TMTC1: variants seen among roughly 807,000 people sequenced by gnomAD.
TMTC1 encodes protein O-mannosyl-transferase TMTC1.
TMTC1 carries 73 observed loss-of-function variants against 104.8 expected under a neutral mutation model. The observed-to-expected ratio is 0.70, with a 90% CI of 0.58 to 0.85. The LOEUF (loss-of-function observed/expected upper bound fraction) is 0.85, where lower values mean the gene tolerates loss of function less well. Ranked by LOEUF, TMTC1 falls within the 40% of genes least tolerant of loss-of-function variation. The pLI is 0.00. For synonymous variants in TMTC1, 434 were observed against 428.7 expected (o/e 1.01, Z -0.15); for missense variants, 1,035 against 1,096.1 (o/e 0.94, Z 0.79).
intron 8 of TMTC1, among the ~76,000 whole-genome samples, chr12:29,583,189 T>A (rs1393403370): frequency 6.6e-6 from 1 of 152,200 alleles, no homozygotes; most frequent in African/African-American, 2.4e-5. Context: ...CTTATTTTCA[T>A]AAATTCACTT....
chr12:29,758,728 A>G lies in TMTC1; in HGVS notation c.530T>C (p.Leu177Pro). The G allele has an allele frequency of 1.2e-6, 2 of 1,613,908 alleles. No homozygotes were observed. Among genetic ancestry groups the G allele is most frequent in the Non-Finnish European group, 1.7e-6 (2 of 1,179,916 alleles). ...RADVLACLLF[L>P]LAFLSYNRSL... ...CCTGTTGTACGAGAGAAAGGCCAAT[A>G]GAAACAGCAGACACGCTAACACGTC... Residue 177 changes from leucine to proline, a missense_variant, in exon 3 of 18, where the codon CTA becomes CCA. Transcript: ENST00000539277.
At chr12:29,514,417 A>C in intron 16 of TMTC1, 65 bp downstream of exon 16, 2 of 1,519,560 alleles carry the variant, frequency 1.3e-6, no homozygotes, top group South Asian at 2.5e-5. Flanking sequence ...TGTTTCCTTA[A>C]AGATCAAAAG....
chr12:29,604,823 T>C lies in TMTC1; in HGVS notation c.1129-524A>G, dbSNP rs113072301. On this transcript the variant is annotated intron_variant, in intron 6 of 17. Coordinates refer to ENST00000539277, the MANE Select transcript of TMTC1 (RefSeq NM_001193451.2). ...ATTTGGGATGCCAATGGAGAGAGAATCATTTGAATTGAAGCATACCTTCAC... is the reference window on the plus strand; with the variant it reads ...ATTTGGGATGCCAATGGAGAGAGAACCATTTGAATTGAAGCATACCTTCAC... 2.4e-3 allele frequency among the ~76,000 whole-genome samples: 362 copies of C among 152,314 alleles called. 4 individuals carry two copies. Among genetic ancestry groups the C allele is most frequent in the African/African-American group, 8.3e-3 (344 of 41,572 alleles).
chr12:29,768,123 A>C, intron 1 of TMTC1, 48 bp from the exon 2 acceptor site: 3 of 1,372,204 alleles, frequency 2.2e-6, no homozygotes, highest in Non-Finnish European at 3.0e-6. Context: ...CTACAAACTC[A>C]ACATAAACAC....
At position 29,544,094 on chromosome 12, in the gene TMTC1, A is replaced by T. The variant is rs934176556; in HGVS notation, c.1677-7777T>A. Among the ~76,000 whole-genome samples, 78 of 151,974 alleles carry T rather than the reference A, an allele frequency of 5.1e-4. 1 individual carries two copies. The highest frequency in any genetic ancestry group is 1.7e-3 in the African/African-American group (70 of 41,368). Reference sequence around the variant, plus strand: ...CCCCATCTCTACTAAAAATACAAAAATTAGCTGGGCGTGGTGGTGGCGCCT... The same window carrying T: ...CCCCATCTCTACTAAAAATACAAAATTTAGCTGGGCGTGGTGGTGGCGCCT... On this transcript the variant is annotated intron_variant, in intron 10 of 17. Transcript: ENST00000539277.
intron 2 of TMTC1, among the ~76,000 whole-genome samples, chr12:29,760,454 T>C (rs1943318235): frequency 6.6e-6 from 1 of 152,204 alleles, no homozygotes; most frequent in African/African-American, 2.4e-5. Flanking sequence ...CATGAAAGTT[T>C]TTGAGGTGCA....
intron 6 of TMTC1, among the ~76,000 whole-genome samples, chr12:29,618,021 A>C (rs1410140045): frequency 2.0e-5 from 3 of 152,210 alleles, no homozygotes; most frequent in Non-Finnish European, 2.9e-5. Flanking sequence ...ATCGGTTAGA[A>C]GGCTATGGCA....
At chr12:29,696,273 G>T (rs1420389357) in intron 5 of TMTC1, among the ~76,000 whole-genome samples, 1 of 152,106 alleles carries the variant, frequency 6.6e-6, no homozygotes, top group Non-Finnish European at 1.5e-5. Context: ...TTTACACAAG[G>T]ATAGAAGACT....
intron 10 of TMTC1, among the ~76,000 whole-genome samples, chr12:29,550,119 T>G (rs1164991148): frequency 6.6e-6 from 1 of 151,600 alleles, no homozygotes; most frequent in African/African-American, 2.4e-5. Flanking sequence ...AGAAAAAATA[T>G]CTAAAAAAGC....
At position 29,744,984 on chromosome 12, in the gene TMTC1, G is replaced by A. The variant is rs187341841; in HGVS notation, c.938+6682C>T. ...TTTGTCATCCAGGCTGGAGTGCAGT[G>A]GTGTGATCATGGCTCACTACAGCCA... On this transcript the variant is annotated intron_variant, in intron 5 of 17. Coordinates refer to ENST00000539277, the MANE Select transcript of TMTC1 (RefSeq NM_001193451.2). Among the ~76,000 whole-genome samples the A allele has an allele frequency of 5.3e-5, 8 of 151,976 alleles. No homozygotes were observed. The East Asian group carries it at 1.5e-3, about 29-fold the overall frequency.
chr12:29,674,745 A>AG (rs929135301), intron 5 of TMTC1, among the ~76,000 whole-genome samples: 3 of 152,284 alleles, frequency 2.0e-5, no homozygotes, highest in South Asian at 2.1e-4. Flanking sequence ...GCCGTAAAGA[A>AG]GGGGGGGCCT....
intron 4 of TMTC1, among the ~76,000 whole-genome samples, chr12:29,754,431 T>C (rs1592014455): frequency 1.3e-5 from 2 of 152,320 alleles, no homozygotes; most frequent in African/African-American, 4.8e-5. Flanking sequence ...AGCTCTGGAC[T>C]GGACCACGTG....
chr12:29,671,496 G>C (rs965299272), intron 5 of TMTC1, among the ~76,000 whole-genome samples: 1 of 152,142 alleles, frequency 6.6e-6, no homozygotes, highest in Non-Finnish European at 1.5e-5. Context: ...GTAAATTACA[G>C]AGAAAATGTA....
intron 11 of TMTC1, among the ~76,000 whole-genome samples, chr12:29,531,247 C>T (rs143788504): frequency 6.6e-6 from 1 of 152,296 alleles, no homozygotes; most frequent in African/African-American, 2.4e-5. Context: ...TCCAAGTTGA[C>T]TTAGCCCCAC....
rs1322292458 is a variant in TMTC1, at chr12:29,651,905, A to ACCCC, written c.939-18570_939-18569insGGGG. Among the ~76,000 whole-genome samples, 799 of 151,408 alleles carry ACCCC rather than the reference A, an allele frequency of 5.3e-3. 8 individuals carry two copies. The highest frequency in any genetic ancestry group is 0.019 in the African/African-American group (773 of 41,068). ...TAACTGAAGCAAAAAACTTGCCCAA[A>ACCCC]AAAAAAAAAAATTAGCCATTGAGAA... On this transcript the variant is annotated intron_variant, in intron 5 of 17. Transcript: ENST00000539277.
At chr12:29,650,701 A>C (rs1465073687) in intron 5 of TMTC1, among the ~76,000 whole-genome samples, 4 of 152,190 alleles carry the variant, frequency 2.6e-5, no homozygotes, top group African/African-American at 4.8e-5. Flanking sequence ...CTTTCTAAAG[A>C]AGCAGCATGA....
At chr12:29,634,292 C>T (rs868414042) in intron 5 of TMTC1, among the ~76,000 whole-genome samples, 3 of 152,120 alleles carry the variant, frequency 2.0e-5, no homozygotes, top group Non-Finnish European at 2.9e-5. Flanking sequence ...CTCAAGGACC[C>T]GAGAGCCATT....
chr12:29,629,494 G>A (rs1938185953), intron 6 of TMTC1, among the ~76,000 whole-genome samples: 2 of 152,148 alleles, frequency 1.3e-5, no homozygotes, highest in Non-Finnish European at 2.9e-5. Context: ...TTGTAGTCAG[G>A]ACCTCCTGAG....
In TMTC1 at chr12:29,721,270, G is replaced by T. The variant is rs1206835245; in HGVS notation, c.938+30396C>A. The stretch of plus-strand genomic sequence containing the variant: ...TAATAATAGGATATATGTCATGAGA[G>T]ATCTACTGTATTTACTGACACATTG... On this transcript the variant is annotated intron_variant, in intron 5 of 17. Transcript: ENST00000539277. Among the ~76,000 whole-genome samples, 6 of 152,240 alleles carry T rather than the reference G, an allele frequency of 3.9e-5. No individual in the cohort carries two copies. The South Asian group carries it at 6.2e-4, about 16-fold the overall frequency.
Sources: gnomAD v4.1 joint callset for allele counts (sites outside exome capture counted in the v4.1 genomes callset) on GRCh38, gnomAD v4.1.1 for gene constraint, MANE v1.5 for transcripts, NCBI Gene and HGNC (gene_info 2026-07-23, HGNC 2026-07-21) for gene names.